Variants in KCNH3 observed in about 807,000 individuals in gnomAD.
The protein encoded by KCNH3 is potassium voltage-gated channel subfamily H member 3.
In KCNH3, 36 loss-of-function variants were observed where a neutral mutation model predicts 95.6. The ratio of observed to expected loss-of-function variants is 0.38; its 90% CI spans 0.29 to 0.50. KCNH3 has a LOEUF of 0.50. Among genes scored for constraint, KCNH3 ranks in the 20% least tolerant of loss-of-function variants. The probability of loss-of-function intolerance (pLI) is 0.95; values close to 1 mark genes in which losing one functional copy is unlikely to be tolerated. For synonymous variants in KCNH3, 620 were observed against 646.3 expected (o/e 0.96, Z 0.62); for missense variants, 1,030 against 1,484.1 (o/e 0.69, Z 5.03).
At chr12:49,557,293 A>G (rs1178819173) in intron 14 of KCNH3, 34 bp downstream of exon 14, 5 of 1,613,660 alleles carry the variant, frequency 3.1e-6, no homozygotes, top group Non-Finnish European at 4.2e-6. Flanking sequence ...TGAGGGGGGC[A>G]CCAGGGGAAG....
Position 49,555,646 on chromosome 12 carries a change from C to T in KCNH3, c.2163C>T (p.Asp721=). The T allele has an allele frequency of 6.4e-7, 1 of 1,566,752 alleles. No homozygotes were observed. Among genetic ancestry groups the T allele is most frequent in the Non-Finnish European group, 8.7e-7 (1 of 1,152,678 alleles). The change falls in exon 12 of 15, where the codon GAC becomes GAT. Residue 721 remains aspartate, a synonymous_variant. Coordinates refer to ENST00000257981, the MANE Select transcript of KCNH3 (RefSeq NM_012284.3). Reference sequence around the variant, plus strand: ...TGGACACCAGCTCCCTGAGCGGCGACAATACCCTTATGTCCACGCTGGAGG... The same window carrying T: ...TGGACACCAGCTCCCTGAGCGGCGATAATACCCTTATGTCCACGCTGGAGG... ...AEVDTSSLSG[D]NTLMSTLEEK... is the part of the protein sequence containing the mutation.
chr12:49,558,249 C>A lies in KCNH3; in HGVS notation c.*296C>A. The A allele has an allele frequency of 2.5e-6, 1 of 397,046 alleles. No individual in the cohort carries two copies. The highest frequency in any genetic ancestry group is 4.4e-6 in the Non-Finnish European group (1 of 226,138). 24.6% of individuals were successfully genotyped at this position (397,046 alleles called of 1,614,324 possible). A position where few individuals can be genotyped will look rare whatever the true frequency, so the allele number is the denominator to read the frequency against. On this transcript the variant is annotated 3_prime_UTR_variant, in exon 15 of 15. Transcript: ENST00000257981. The stretch of plus-strand genomic sequence containing the variant: ...TTGCCATCCCCTGCATGTGCCCCTG[C>A]CTCTACCTGTCCCCAAATTTTTATA...
chr12:49,547,216 G>A (rs1938091864), intron 7 of KCNH3, among the ~76,000 whole-genome samples: 1 of 152,100 alleles, frequency 6.6e-6, no homozygotes, highest in Non-Finnish European at 1.5e-5. Flanking sequence ...CATTCTTATG[G>A]CACATCTCAG....
intron 4 of KCNH3, 98 bp downstream of exon 4, chr12:49,542,937 CA>C: frequency 6.9e-7 from 1 of 1,447,392 alleles, no homozygotes; most frequent in Non-Finnish European, 9.2e-7. Flanking sequence ...TCCTAGGGGC[CA>C]CCCAGGCCTT....
intron 5 of KCNH3, 154 bp downstream of exon 5, chr12:49,543,672 A>G (rs1937952736): frequency 1.1e-5 from 13 of 1,144,802 alleles, no homozygotes; most frequent in Non-Finnish European, 1.6e-5. Context: ...GGTTCCAAAC[A>G]TCTGCCACTT....
At position 49,555,917 on chromosome 12, in the gene KCNH3, A is replaced by G; in HGVS notation, c.2434A>G (p.Met812Val). The G allele has an allele frequency of 6.4e-7, 1 of 1,574,126 alleles. No individual in the cohort carries two copies. Among genetic ancestry groups the G allele is most frequent in the South Asian group, 1.1e-5 (1 of 87,032 alleles). Residue 812 changes from methionine to valine, a missense_variant, in exon 12 of 15, where the codon ATG (methionine) becomes GTG (valine). By Grantham distance (21) the Met-to-Val change is conservative. Transcript: ENST00000257981. The stretch of plus-strand genomic sequence containing the variant: ...CCTAGAGGGGCTACGGCTGCCCCCC[A>G]TGCCATGGAATGTGCCCCCAGATCT... ...RALEGLRLPP[M>V]PWNVPPDLSP...
Position 49,558,052 on chromosome 12 carries a change from A to T in KCNH3, c.*99A>T. ...GGGTGGCAGCCTCCCCACGGACTCCATGCGGCCCGCTGGCTCAGGGCAGGG... is the reference window on the plus strand; with the variant it reads ...GGGTGGCAGCCTCCCCACGGACTCCTTGCGGCCCGCTGGCTCAGGGCAGGG... On this transcript the variant is annotated 3_prime_UTR_variant, in exon 15 of 15. Transcript: ENST00000257981. 2 of 1,335,344 alleles carry T rather than the reference A, an allele frequency of 1.5e-6. No individual in the cohort carries two copies. The highest frequency in any genetic ancestry group is 2.0e-6 in the Non-Finnish European group (2 of 1,018,204). 82.7% of individuals were successfully genotyped at this position (1,335,344 alleles called of 1,614,324 possible). A position where few individuals can be genotyped will look rare whatever the true frequency, so the allele number is the denominator to read the frequency against.
intron 12 of KCNH3, 29 bp downstream of exon 12, chr12:49,555,980 A>AGAT: frequency 8.9e-7 from 1 of 1,123,522 alleles, no homozygotes; most frequent in Non-Finnish European, 1.3e-6. Context: ...CCCGTGGCAG[A>AGAT]GATGGTGGTG....
chr12:49,544,711 G>A (rs1014243753), intron 7 of KCNH3, among the ~76,000 whole-genome samples: 15 of 151,938 alleles, frequency 9.9e-5, no homozygotes, highest in African/African-American at 2.7e-4. Flanking sequence ...TCTGACACCC[G>A]GCACTCCCCA....
chr12:49,548,745 G>A, intron 7 of KCNH3, 150 bp from the exon 8 acceptor site: 1 of 724,482 alleles, frequency 1.4e-6, no homozygotes, highest in Non-Finnish European at 2.2e-6. Flanking sequence ...GGTTGAGGGG[G>A]TGGAGAGGGG....
chr12:49,557,474 G>A lies in KCNH3; in HGVS notation c.2773G>A (p.Gly925Arg), dbSNP rs1938513116. 6.2e-7 allele frequency: 1 copy of A among 1,611,280 alleles called. No homozygotes were observed. The highest frequency in any genetic ancestry group is 8.5e-7 in the Non-Finnish European group (1 of 1,179,450). ...EGPCPRASGE[G>R]PCPASTSGLL... ...TCCGTGCCCTCGGGCATCGGGAGAG[G>A]GGCCGTGCCCAGCCAGCACCTCCGG... is the stretch of plus-strand genomic sequence containing the variant. The change falls in exon 15 of 15, where the codon GGG becomes AGG. Residue 925 changes from glycine (G) to arginine (R), a missense_variant. Transcript: ENST00000257981.
At chr12:49,551,430 G>A (rs187792047) in intron 10 of KCNH3, among the ~76,000 whole-genome samples, 1 of 152,128 alleles carries the variant, frequency 6.6e-6, no homozygotes, top group Non-Finnish European at 1.5e-5. Context: ...ACAAAAATTA[G>A]CCGGGTGTGG....
chr12:49,550,477 C>G, intron 10 of KCNH3, 148 bp downstream of exon 10: 1 of 1,046,964 alleles, frequency 9.6e-7, no homozygotes, highest in East Asian at 2.6e-5. Flanking sequence ...GAGTCCTGGT[C>G]AAAGCTCAGA....
At chr12:49,548,743 G>C (rs1268782918) in intron 7 of KCNH3, 152 bp from the exon 8 acceptor site, 5 of 709,486 alleles carry the variant, frequency 7.0e-6, no homozygotes, top group Non-Finnish European at 1.1e-5. Flanking sequence ...AGGGTTGAGG[G>C]GGTGGAGAGG....
At position 49,541,092 on chromosome 12, in the gene KCNH3, CA is replaced by C; in HGVS notation, c.272del (p.Lys91ArgfsTer7). On this transcript the variant is annotated frameshift_variant, in exon 2 of 15. Transcript: ENST00000257981. LOFTEE classifies it high-confidence loss of function. ...AGATCCGCAAGGCCCTGGACGAGCACAAGGAGTTCAAGGCTGAGCTGATCCT... is the reference window on the plus strand; with the variant it reads ...AGATCCGCAAGGCCCTGGACGAGCACAGGAGTTCAAGGCTGAGCTGATCCT... ...QQIRKALDEHKEFKAELILYR... is the reference protein window; with the variant it reads ...QQIRKALDEHXEFKAELILYR... The C allele has an allele frequency of 6.2e-7, 1 of 1,609,644 alleles. No individual in the cohort carries two copies. The highest frequency in any genetic ancestry group is 8.5e-7 in the Non-Finnish European group (1 of 1,180,000).
intron 7 of KCNH3, among the ~76,000 whole-genome samples, chr12:49,545,295 G>A (rs555447445): frequency 6.6e-6 from 1 of 151,522 alleles, no homozygotes; most frequent in Admixed American, 6.6e-5. Flanking sequence ...TTTAACTCTC[G>A]ATGCGCCTCA....
intron 7 of KCNH3, among the ~76,000 whole-genome samples, chr12:49,547,222 C>A (rs1592502760): frequency 6.6e-6 from 1 of 152,286 alleles, no homozygotes; most frequent in East Asian, 1.9e-4. Context: ...TATGGCACAT[C>A]TCAGATAATG....
At chr12:49,543,149 C>T (rs777517560) in intron 4 of KCNH3, 126 bp from the exon 5 acceptor site, 37 of 1,079,136 alleles carry the variant, frequency 3.4e-5, no homozygotes, top group Middle Eastern at 2.1e-4. Context: ...AATGCCATCT[C>T]GAAGCAGATG....
At chr12:49,553,274 T>G (rs533509807) in intron 10 of KCNH3, among the ~76,000 whole-genome samples, 2 of 152,276 alleles carry the variant, frequency 1.3e-5, no homozygotes, top group South Asian at 4.1e-4. Context: ...TAGCTGAGAT[T>G]GCAGGTGCAC....
Sources: gnomAD v4.1 joint callset for allele counts (sites outside exome capture counted in the v4.1 genomes callset) on GRCh38, gnomAD v4.1.1 for gene constraint, MANE v1.5 for transcripts, NCBI Gene and HGNC (gene_info 2026-07-23, HGNC 2026-07-21) for gene names.